RIOK3: variants seen among roughly 807,000 people sequenced by gnomAD.
RIOK3 encodes serine/threonine-protein kinase RIO3.
Under a neutral mutation model 63.5 loss-of-function variants are expected in RIOK3, and 40 were observed. That is an observed-to-expected ratio of 0.63 (90% CI 0.49 to 0.82). RIOK3 has a LOEUF of 0.82. Ranked by LOEUF, RIOK3 falls within the 40% of genes least tolerant of loss-of-function variation. The pLI is 0.00. For synonymous variants in RIOK3, 193 were observed against 205.0 expected (o/e 0.94, Z 0.50); for missense variants, 557 against 637.0 (o/e 0.87, Z 1.35).
chr18:23,477,552 T>A (rs1425602504), intron 11 of RIOK3, among the ~76,000 whole-genome samples: 1 of 151,788 alleles, frequency 6.6e-6, no homozygotes, highest in Non-Finnish European at 1.5e-5. Context: ...TCATTTGATG[T>A]CAGAGGTTCA....
At chr18:23,467,078 G>A (rs371247367) in intron 6 of RIOK3, among the ~76,000 whole-genome samples, 1 of 151,978 alleles carries the variant, frequency 6.6e-6, no homozygotes, top group Non-Finnish European at 1.5e-5. Flanking sequence ...CACTTTGGGA[G>A]GCCAAGGCGG....
chr18:23,455,074 A>G (rs1267070771), intron 1 of RIOK3, among the ~76,000 whole-genome samples: 7 of 76,380 alleles, frequency 9.2e-5, no homozygotes, highest in Admixed American at 7.2e-4. Flanking sequence ...TTTCCTTTTC[A>G]TTTATTTATT....
intron 7 of RIOK3, among the ~76,000 whole-genome samples, chr18:23,469,443 C>CCTCTCT (rs1173380978): frequency 2.3e-5 from 3 of 128,834 alleles, no homozygotes; most frequent in Non-Finnish European, 3.4e-5. Flanking sequence ...TCTCCTCTCT[C>CCTCTCT]CTCTCTCTCT....
chr18:23,464,118 A>G lies in RIOK3; in HGVS notation c.325+6A>G. The G allele has an allele frequency of 6.2e-7, 1 of 1,610,136 alleles. No individual in the cohort carries two copies. The highest frequency in any genetic ancestry group is 8.5e-7 in the Non-Finnish European group (1 of 1,178,088). ...ATTCAATGGAGATAGCAAAGGTATT[A>G]TAACCTTATTGTGACAACTTCATTG... On this transcript the variant is annotated splice_donor_region_variant and intron_variant, in intron 3 of 12. Transcript: ENST00000339486.
In RIOK3 at chr18:23,477,276, T is replaced by G. The variant is rs756924223; in HGVS notation, c.1344+8T>G. 91 of 1,609,886 alleles carry G rather than the reference T, an allele frequency of 5.7e-5. No homozygotes were observed. The highest frequency in any genetic ancestry group is 6.3e-5 in the Non-Finnish European group (74 of 1,176,274). On this transcript the variant is annotated splice_region_variant and intron_variant, in intron 11 of 12. Transcript: ENST00000339486. ...TGCAGGAATGTCTCGCAGGTAGACGTGTAAACCAATATGCCTTTTTTTGTT... is the reference window on the plus strand; with the variant it reads ...TGCAGGAATGTCTCGCAGGTAGACGGGTAAACCAATATGCCTTTTTTTGTT...
chr18:23,461,898 T>C (rs1459643153), intron 1 of RIOK3, among the ~76,000 whole-genome samples: 1 of 151,782 alleles, frequency 6.6e-6, no homozygotes, highest in Non-Finnish European at 1.5e-5. Flanking sequence ...GAGACCAGCC[T>C]AGACAACTTG....
chr18:23,465,059 G>T (rs952705123), intron 5 of RIOK3, among the ~76,000 whole-genome samples: 2 of 152,088 alleles, frequency 1.3e-5, no homozygotes, highest in African/African-American at 4.8e-5. Context: ...AAAATCAGAA[G>T]TAAAGTGTAA....
intron 9 of RIOK3, 72 bp downstream of exon 9, chr18:23,475,179 C>A: frequency 7.5e-7 from 1 of 1,333,866 alleles, no homozygotes; most frequent in South Asian, 1.4e-5. Flanking sequence ...AAAAAAATTT[C>A]CTTAAAGAAG....
At position 23,466,255 on chromosome 18, in the gene RIOK3, GA is replaced by G; in HGVS notation, c.671del (p.Lys224ArgfsTer96). ...AACGTCGAAGTGCCCGCCTACATGA[GA>G]AAAAGGAGCATTCTACAGCAGTAAG... ...EERRSARLHE[K>X]KEHSTAEKAV... On this transcript the variant is annotated frameshift_variant, in exon 6 of 13. Transcript: ENST00000339486. LOFTEE classifies it high-confidence loss of function. 1.2e-6 allele frequency: 2 copies of G among 1,604,694 alleles called. No individual in the cohort carries two copies. The highest frequency in any genetic ancestry group is 1.7e-6 in the Non-Finnish European group (2 of 1,176,636).
chr18:23,453,309 G>T lies in RIOK3; in HGVS notation c.-131G>T. Reference sequence around the variant, plus strand: ...TCCAGTTCCGGACGCGGCCGCCGCCGTCGCCGCCATCTGTCACCTCCACTC... The same window carrying T: ...TCCAGTTCCGGACGCGGCCGCCGCCTTCGCCGCCATCTGTCACCTCCACTC... On this transcript the variant is annotated 5_prime_UTR_variant, in exon 1 of 13. Transcript: ENST00000339486. 2.6e-6 allele frequency: 2 copies of T among 759,250 alleles called. No homozygotes were observed. The highest frequency in any genetic ancestry group is 5.0e-5 in the East Asian group (2 of 40,336). The allele number at this position is 759,250 out of a possible 1,614,324, so 47.0% of individuals were successfully genotyped here. A position where few individuals can be genotyped will look rare whatever the true frequency, so the allele number is the denominator to read the frequency against.
In RIOK3 at chr18:23,474,883, T is replaced by C. The variant is rs955064440; in HGVS notation, c.1014-65T>C. On this transcript the variant is annotated intron_variant, in intron 8 of 12. Coordinates refer to ENST00000339486, the MANE Select transcript of RIOK3 (RefSeq NM_003831.5). ...ATTGCAGGCCCTGATTAGATATTTA[T>C]TGAATAAATGACATATTTTCTCTCC... 2.5e-5 allele frequency: 31 copies of C among 1,239,200 alleles called. No homozygotes were observed. The Admixed American group carries it at 5.9e-4, about 24-fold the overall frequency. The allele number at this position is 1,239,200 out of a possible 1,614,324, so 76.8% of individuals were successfully genotyped here.
At chr18:23,471,165 G>C (rs768327593) in intron 7 of RIOK3, among the ~76,000 whole-genome samples, 31 of 152,130 alleles carry the variant, frequency 2.0e-4, no homozygotes, top group Admixed American at 1.4e-3. Flanking sequence ...TCAGATATAT[G>C]CTATGCAGAT....
At chr18:23,463,880 T>C (rs1384199391) in intron 2 of RIOK3, 87 bp from the exon 3 acceptor site, 1 of 1,133,670 alleles carries the variant, frequency 8.8e-7, no homozygotes, top group Non-Finnish European at 1.3e-6. Flanking sequence ...AATTTTAACA[T>C]GGAAAAGGCA....
intron 7 of RIOK3, among the ~76,000 whole-genome samples, chr18:23,470,025 T>C (rs747336081): frequency 6.6e-6 from 1 of 152,080 alleles, no homozygotes; most frequent in Admixed American, 6.6e-5. Context: ...GAATAGCGAA[T>C]AGAACAAGAT....
At chr18:23,475,128 A>T (rs7235571) in intron 9 of RIOK3, 21 bp downstream of exon 9, 1 of 1,581,982 alleles carries the variant, frequency 6.3e-7, no homozygotes, top group Non-Finnish European at 8.6e-7. Flanking sequence ...CTTTTAAAAG[A>T]ATTCACACAC....
chr18:23,481,442 G>GGT lies in RIOK3; in HGVS notation c.*163_*164insGT. The GGT allele has an allele frequency of 1.9e-6, 1 of 519,472 alleles. No homozygotes were observed. The allele number at this position is 519,472 out of a possible 1,614,324, so 32.2% of individuals were successfully genotyped here. A position where few individuals can be genotyped will look rare whatever the true frequency, so the allele number is the denominator to read the frequency against. On this transcript the variant is annotated 3_prime_UTR_variant, in exon 13 of 13. Coordinates refer to ENST00000339486, the MANE Select transcript of RIOK3 (RefSeq NM_003831.5). ...ATGTGCCAGATGTGTGGAATTTTTA[G>GGT]CTCAGCATTGAGAGAATAAAATGTC... is the stretch of plus-strand genomic sequence containing the variant.
At chr18:23,465,101 G>C (rs2057397826) in intron 5 of RIOK3, among the ~76,000 whole-genome samples, 3 of 152,196 alleles carry the variant, frequency 2.0e-5, no homozygotes, top group Admixed American at 2.0e-4. Context: ...GCCGGGCATG[G>C]AGGCTCATGC....
intron 1 of RIOK3, among the ~76,000 whole-genome samples, chr18:23,457,926 ACT>A: frequency 6.6e-6 from 1 of 150,554 alleles, no homozygotes; most frequent in South Asian, 2.1e-4. Context: ...ACAGAGTCTC[ACT>A]CTATCGCCCA....
chr18:23,467,485 T>C lies in RIOK3; in HGVS notation c.774T>C (p.Ser258=). The C allele has an allele frequency of 6.2e-7, 1 of 1,613,630 alleles. No homozygotes were observed. The highest frequency in any genetic ancestry group is 8.5e-7 in the Non-Finnish European group (1 of 1,179,622). ...GMLETITGCI[S]TGKESVVFHA... Reference sequence around the variant, plus strand: ...TGGAGACAATCACTGGCTGTATTAGTACAGGAAAGGAGTCTGTTGTCTTTC... The same window carrying C: ...TGGAGACAATCACTGGCTGTATTAGCACAGGAAAGGAGTCTGTTGTCTTTC... Residue 258 remains serine, a synonymous_variant, in exon 7 of 13, where the codon AGT becomes AGC. Coordinates refer to ENST00000339486, the MANE Select transcript of RIOK3 (RefSeq NM_003831.5).
Sources: gnomAD v4.1 joint callset for allele counts (sites outside exome capture counted in the v4.1 genomes callset) on GRCh38, gnomAD v4.1.1 for gene constraint, MANE v1.5 for transcripts, NCBI Gene and HGNC (gene_info 2026-07-23, HGNC 2026-07-21) for gene names.